LCA5: variants seen among roughly 807,000 people sequenced by gnomAD.
LCA5 encodes lebercilin LCA5, also known as lebercilin.
LCA5 carries 37 observed loss-of-function variants against 53.0 expected under a neutral mutation model. The ratio of observed to expected loss-of-function variants is 0.70; its 90% CI spans 0.54 to 0.92. The LOEUF is 0.92. Among genes scored for constraint, LCA5 ranks in the 40% least tolerant of loss-of-function variants. The probability of loss-of-function intolerance (pLI) is 0.00; values close to 1 mark genes in which losing one functional copy is unlikely to be tolerated. For missense variants in LCA5, 806 were observed against 790.5 expected (o/e 1.02, Z -0.23); for synonymous variants, 303 against 282.9 (o/e 1.07, Z -0.71).
intron 3 of LCA5, among the ~76,000 whole-genome samples, chr6:79,495,251 C>T (rs1470242845): frequency 6.6e-6 from 1 of 152,188 alleles, no homozygotes; most frequent in Admixed American, 6.5e-5. Context: ...GAAACCATCC[C>T]CCTCAACCCT....
At chr6:79,487,888 A>G in intron 7 of LCA5, 22 bp from the exon 8 acceptor site, 2 of 1,571,156 alleles carry the variant, frequency 1.3e-6, no homozygotes, top group Non-Finnish European at 1.7e-6. Flanking sequence ...CAAATTTTTT[A>G]AATGGGATTT....
chr6:79,519,040 G>A lies in LCA5; in HGVS notation c.-146C>T. The A allele has an allele frequency of 1.1e-6, 1 of 892,562 alleles. No individual in the cohort carries two copies. 55.3% of individuals were successfully genotyped at this position (892,562 alleles called of 1,614,324 possible). ...AATCTATTTTCTCCACAATGTATTTGTAGACCACAATTCACATTGGCATCC... is the reference window on the plus strand; with the variant it reads ...AATCTATTTTCTCCACAATGTATTTATAGACCACAATTCACATTGGCATCC... On this transcript the variant is annotated 5_prime_UTR_variant, in exon 2 of 8. Transcript: ENST00000369846.
chr6:79,510,466 TA>T (rs1477795508), intron 3 of LCA5, among the ~76,000 whole-genome samples: 3 of 152,096 alleles, frequency 2.0e-5, no homozygotes, highest in Non-Finnish European at 4.4e-5. Context: ...TATACCTCGA[TA>T]AAGCTGGGAG....
chr6:79,516,329 T>C (rs1766435742), intron 2 of LCA5, among the ~76,000 whole-genome samples: 1 of 151,926 alleles, frequency 6.6e-6, no homozygotes, highest in Non-Finnish European at 1.5e-5. Context: ...TACTCAGCTC[T>C]TGGAATGACA....
At chr6:79,517,076 A>C (rs373071575) in intron 2 of LCA5, among the ~76,000 whole-genome samples, 77 of 152,204 alleles carry the variant, frequency 5.1e-4, no homozygotes, top group African/African-American at 1.8e-3. Context: ...TGCTGTTTGA[A>C]TCACATTTGT....
At chr6:79,505,803 T>C (rs1770258505) in intron 3 of LCA5, among the ~76,000 whole-genome samples, 1 of 152,056 alleles carries the variant, frequency 6.6e-6, no homozygotes, top group African/African-American at 2.4e-5. Flanking sequence ...GAGCAAAATA[T>C]AGCAGGAAAA....
At chr6:79,524,927 C>A (rs558950175) in intron 1 of LCA5, among the ~76,000 whole-genome samples, 1 of 151,824 alleles carries the variant, frequency 6.6e-6, no homozygotes, top group East Asian at 1.9e-4. Flanking sequence ...TTTGAAATTT[C>A]TCCTAGTTAA....
At chr6:79,489,327 C>T (rs1013728037) in intron 6 of LCA5, 111 bp from the exon 7 acceptor site, 2 of 1,103,048 alleles carry the variant, frequency 1.8e-6, no homozygotes, top group Admixed American at 4.2e-5. Flanking sequence ...AAAATTAATA[C>T]AAATTTTCAA....
chr6:79,513,176 C>T, intron 3 of LCA5, 36 bp downstream of exon 3: 2 of 1,588,388 alleles, frequency 1.3e-6, no homozygotes, highest in South Asian at 1.1e-5. Context: ...GAGAAACATC[C>T]CAAGAAAGTA....
At chr6:79,491,870 A>C (rs1426437142) in intron 5 of LCA5, 140 bp from the exon 6 acceptor site, 1 of 694,196 alleles carries the variant, frequency 1.4e-6, no homozygotes, top group Non-Finnish European at 2.5e-6. Context: ...ATTTAAATGG[A>C]GAATATATAT....
intron 3 of LCA5, among the ~76,000 whole-genome samples, chr6:79,508,508 A>T: frequency 6.6e-6 from 1 of 151,044 alleles, no homozygotes. Context: ...AATTGCAACT[A>T]GCAAGAAGAA....
intron 3 of LCA5, among the ~76,000 whole-genome samples, chr6:79,511,434 G>A (rs985863073): frequency 1.3e-5 from 2 of 152,134 alleles, no homozygotes; most frequent in Non-Finnish European, 2.9e-5. Context: ...GAGAAATAAT[G>A]AGCAAATTAG....
At chr6:79,497,956 C>CAAAAAA (rs34167121) in intron 3 of LCA5, among the ~76,000 whole-genome samples, 1 of 92,780 alleles carries the variant, frequency 1.1e-5, no homozygotes, top group Non-Finnish European at 2.3e-5. Flanking sequence ...GACTCCATCT[C>CAAAAAA]AAAAAAAAAA....
At chr6:79,513,868 T>C (rs1766342169) in intron 2 of LCA5, 127 bp from the exon 3 acceptor site, 1 of 874,584 alleles carries the variant, frequency 1.1e-6, no homozygotes, top group Admixed American at 2.1e-5. Context: ...GATTTTACAA[T>C]ATTTAGTAAA....
chr6:79,491,544 A>T (rs1769842027), intron 6 of LCA5, 44 bp downstream of exon 6: 1 of 1,603,788 alleles, frequency 6.2e-7, no homozygotes, highest in Non-Finnish European at 8.5e-7. Flanking sequence ...TTTTAGGAAT[A>T]ACTTCAGACC....
chr6:79,528,137 C>T lies in LCA5; in HGVS notation c.-192+9028G>A, dbSNP rs116871390. On this transcript the variant is annotated intron_variant, in intron 1 of 7. Coordinates refer to ENST00000369846, the MANE Select transcript of LCA5 (RefSeq NM_001122769.3). Reference sequence around the variant, plus strand: ...ATAAAATATCAATCCTGAAGGAATGCGTTGCATGTTGGCTCTATACCAGAA... The same window carrying T: ...ATAAAATATCAATCCTGAAGGAATGTGTTGCATGTTGGCTCTATACCAGAA... 1.1e-3 allele frequency among the ~76,000 whole-genome samples: 170 copies of T among 152,256 alleles called. 1 individual carries two copies. The highest frequency in any genetic ancestry group is 2.3e-3 in the Admixed American group (35 of 15,286).
chr6:79,504,642 T>C (rs1341289741), intron 3 of LCA5, among the ~76,000 whole-genome samples: 2 of 152,170 alleles, frequency 1.3e-5, no homozygotes, highest in Non-Finnish European at 2.9e-5. Flanking sequence ...GGTCACTATG[T>C]ATGGAGAAAC....
rs775432127 is a variant in LCA5 at position 79,487,758 on chromosome 6, G to A, written c.1340C>T (p.Pro447Leu). Residue 447 changes from proline (P) to leucine (L), a missense_variant, in exon 8 of 8, where the codon CCA becomes CTA. Physicochemically the swap from Pro to Leu is moderately conservative, Grantham distance 98. Coordinates refer to ENST00000369846, the MANE Select transcript of LCA5 (RefSeq NM_001122769.3). Reference sequence around the variant, plus strand: ...TTGCAATTTATCCATATTCTGAATTGGATACATTCCTAGTTGGTACCTTCC... The same window carrying A: ...TTGCAATTTATCCATATTCTGAATTAGATACATTCCTAGTTGGTACCTTCC... ...ETGRYQLGMY[P>L]IQNMDKLQGE... The A allele has an allele frequency of 6.2e-7, 1 of 1,613,618 alleles. No individual in the cohort carries two copies. The highest frequency in any genetic ancestry group is 1.1e-5 in the South Asian group (1 of 91,050).
chr6:79,506,328 C>T (rs1770270939), intron 3 of LCA5, among the ~76,000 whole-genome samples: 2 of 152,102 alleles, frequency 1.3e-5, no homozygotes, highest in African/African-American at 4.8e-5. Flanking sequence ...TAATAATGTA[C>T]ATAATATCAC....
Sources: allele counts gnomAD v4.1 joint callset (sites outside exome capture counted in the v4.1 genomes callset), GRCh38; gene constraint gnomAD v4.1.1; transcripts MANE v1.5; gene names NCBI Gene and HGNC (gene_info 2026-07-23, HGNC 2026-07-21).